MARK1: variants seen among roughly 807,000 people sequenced by gnomAD.
The protein encoded by MARK1 is microtubule affinity regulating kinase 1, also known as serine/threonine-protein kinase MARK1.
A neutral mutation model predicts 96.3 loss-of-function variants in MARK1; 40 were observed. That is an observed-to-expected ratio of 0.42 (90% confidence interval 0.32 to 0.54). MARK1 has a LOEUF of 0.54. MARK1 is among the 20% of genes least tolerant of loss of function. The pLI, the probability that MARK1 is intolerant of heterozygous loss-of-function variation, is 0.16. For synonymous variants in MARK1, 317 were observed against 341.2 expected, an observed-to-expected ratio of 0.93 and a Z score of 0.78; for missense variants, 719 against 984.6, an observed-to-expected ratio of 0.73 and a Z score of 3.61.
chr1:220,659,225 A>G (rs1669333755), intron 17 of MARK1, among the ~76,000 whole-genome samples: 1 of 152,186 alleles, frequency 6.6e-6, no homozygotes, highest in African/African-American at 2.4e-5. Flanking sequence ...TACTAACTAT[A>G]AAGTACTTTC....
intron 14 of MARK1, 77 bp downstream of exon 14, chr1:220,650,797 G>T: frequency 2.0e-6 from 2 of 977,386 alleles, no homozygotes; most frequent in East Asian, 2.5e-5. Context: ...GCCTGCAGCC[G>T]AATGGGTCAG....
At chr1:220,580,330 A>G (rs963732243) in intron 2 of MARK1, among the ~76,000 whole-genome samples, 6 of 152,124 alleles carry the variant, frequency 3.9e-5, no homozygotes, top group South Asian at 4.1e-4. Context: ...CAAAAAATAC[A>G]GAAATTAGCT....
intron 4 of MARK1, among the ~76,000 whole-genome samples, chr1:220,599,024 TA>T (rs113224517): frequency 3.4e-4 from 50 of 147,968 alleles, no homozygotes; most frequent in Admixed American, 1.1e-3. Flanking sequence ...TAGGTATCTA[TA>T]AAAAAAAAAT....
In MARK1 at chr1:220,560,499, C is replaced by T. The variant is rs562332629; in HGVS notation, c.52-18855C>T. ...CTTCTCTTTGGCATACCTTAATTGC[C>T]AGCATCACTGCCCTTGCACTTGGAC... On this transcript the variant is annotated intron_variant, in intron 1 of 17. Coordinates refer to ENST00000366917, the MANE Select transcript of MARK1 (RefSeq NM_018650.5). Among the ~76,000 whole-genome samples, 270 of 152,250 alleles carry T rather than the reference C, an allele frequency of 1.8e-3. 1 individual carries two copies. The highest frequency in any genetic ancestry group is 6.1e-3 in the African/African-American group (254 of 41,554).
chr1:220,579,568 A>G lies in MARK1; in HGVS notation c.255+11A>G, dbSNP rs1664093068. 3 of 1,611,992 alleles carry G rather than the reference A, an allele frequency of 1.9e-6. No homozygotes were observed. The highest frequency in any genetic ancestry group is 1.7e-5 in the Admixed American group (1 of 60,004). ...CTAACTGGTAGAGAGGTAAGTTTGC[A>G]CAATGCCTTTTAATATCTGCCTGGA... On this transcript the variant is annotated intron_variant, in intron 2 of 17. Coordinates refer to ENST00000366917, the MANE Select transcript of MARK1 (RefSeq NM_018650.5).
intron 3 of MARK1, among the ~76,000 whole-genome samples, chr1:220,591,309 T>C (rs1159881769): frequency 2.0e-5 from 3 of 152,228 alleles, no homozygotes; most frequent in Non-Finnish European, 4.4e-5. Context: ...CCAGGAAACA[T>C]CAGTATGTTT....
intron 1 of MARK1, among the ~76,000 whole-genome samples, chr1:220,563,538 ATAG>A (rs1302782387): frequency 2.0e-5 from 3 of 152,236 alleles, no homozygotes; most frequent in African/African-American, 7.2e-5. Context: ...ATCATTTTAG[ATAG>A]TAGTAAGTTA....
rs762785084 is a variant in MARK1, at chr1:220,618,433, G to A, written c.676G>A (p.Glu226Lys). Residue 226 changes from glutamate to lysine, a missense_variant, in exon 8 of 18, where the codon GAG (glutamate) becomes AAG (lysine). Physicochemically the swap from Glu to Lys is moderately conservative, Grantham distance 56. Around this residue, in one of 4 missense-constraint regions of MARK1, gnomAD observed 96 missense variants for 213.1 expected, o/e 0.45. Coordinates refer to ENST00000366917, the MANE Select transcript of MARK1 (RefSeq NM_018650.5). The surrounding 1 kb of genome is among the most constrained non-coding windows in gnomAD (Gnocchi z 4.6). ...FCGSPPYAAP[E>K]LFQGKKYDGP... ...TGGAAGCCCACCCTATGCTGCTCCC[G>A]AGCTTTTCCAAGGAAAGAAGTATGA... The A allele has an allele frequency of 2.5e-6, 4 of 1,614,110 alleles. No individual in the cohort carries two copies. The highest frequency in any genetic ancestry group is 2.5e-6 in the Non-Finnish European group (3 of 1,180,008).
chr1:220,604,480 C>A (rs1002886120), intron 6 of MARK1, among the ~76,000 whole-genome samples: 1 of 151,868 alleles, frequency 6.6e-6, no homozygotes, highest in Admixed American at 6.6e-5. Context: ...TAAATTATTA[C>A]TGGCTTTATA....
At position 220,606,763 on chromosome 1, in the gene MARK1, A is replaced by G. The variant is rs1028503425; in HGVS notation, c.495+2626A>G. On this transcript the variant is annotated intron_variant, in intron 6 of 17. Transcript: ENST00000366917. ...ATGGCTAGCCAGTTTTCCCAGCACCATTTATTAAATAGGGAATCCTTTCCC... is the reference window on the plus strand; with the variant it reads ...ATGGCTAGCCAGTTTTCCCAGCACCGTTTATTAAATAGGGAATCCTTTCCC... Among the ~76,000 whole-genome samples the G allele has an allele frequency of 5.9e-5, 9 of 152,268 alleles. No homozygotes were observed. In the East Asian group the frequency reaches 1.7e-3, roughly 29 times the overall value.
intron 3 of MARK1, among the ~76,000 whole-genome samples, chr1:220,595,871 T>C (rs1273122312): frequency 6.6e-6 from 1 of 151,902 alleles, no homozygotes; most frequent in Non-Finnish European, 1.5e-5. Flanking sequence ...TGGAGGTGAG[T>C]AAAAATGTCT....
intron 16 of MARK1, 78 bp downstream of exon 16, chr1:220,653,430 T>G: frequency 7.0e-7 from 1 of 1,423,244 alleles, no homozygotes; most frequent in South Asian, 1.4e-5. Context: ...AAAATCTTTA[T>G]AATAATTTTC....
At chr1:220,629,651 A>G (rs1218830742) in intron 9 of MARK1, among the ~76,000 whole-genome samples, 1 of 152,054 alleles carries the variant, frequency 6.6e-6, no homozygotes, top group Non-Finnish European at 1.5e-5. Flanking sequence ...ATTATACTTT[A>G]TGTTCCTATG....
chr1:220,642,487 C>T (rs1668333172), intron 13 of MARK1, among the ~76,000 whole-genome samples: 1 of 152,198 alleles, frequency 6.6e-6, no homozygotes, highest in African/African-American at 2.4e-5. Flanking sequence ...ACTCTCATCT[C>T]CCTGAGACAG....
At chr1:220,598,110 T>G (rs914220121) in intron 3 of MARK1, among the ~76,000 whole-genome samples, 3 of 152,142 alleles carry the variant, frequency 2.0e-5, no homozygotes, top group African/African-American at 7.2e-5. Context: ...CTACTTAAAA[T>G]TCTTTTAGAA....
At chr1:220,572,130 GAGAAGTGTTCTTGACTTAGAGTTTA>G (rs1363145894) in intron 1 of MARK1, 1 of 152,230 alleles carries the variant, frequency 6.6e-6, no homozygotes, top group Admixed American at 6.5e-5. Context: ...AAGGGAGCTA[GAGAAGTGTTCTTGACTTAGAGTTTA>G]AGAACTATGT....
chr1:220,596,329 C>G (rs758618571), intron 3 of MARK1, among the ~76,000 whole-genome samples: 3 of 152,142 alleles, frequency 2.0e-5, no homozygotes, highest in Non-Finnish European at 4.4e-5. Flanking sequence ...GAGATGATCT[C>G]AAGTGTACTG....
At chr1:220,605,742 C>T (rs1349011676) in intron 6 of MARK1, among the ~76,000 whole-genome samples, 1 of 149,966 alleles carries the variant, frequency 6.7e-6, no homozygotes, top group East Asian at 2.0e-4. Context: ...TCAATTCCCA[C>T]CTATGAGTGA....
chr1:220,636,414 A>G (rs915546443), intron 13 of MARK1, among the ~76,000 whole-genome samples: 1 of 152,146 alleles, frequency 6.6e-6, no homozygotes, highest in Non-Finnish European at 1.5e-5. Flanking sequence ...AGCAAACTAG[A>G]AATTATATAA....
Sources: allele counts gnomAD v4.1 joint callset (sites outside exome capture counted in the v4.1 genomes callset), GRCh38; gene constraint gnomAD v4.1.1; regional missense constraint gnomAD v4.1.1; non-coding constraint Gnocchi (gnomAD v3.1); transcripts MANE v1.5; gene names NCBI Gene and HGNC (gene_info 2026-07-23, HGNC 2026-07-21).